The following EPB41L4A variants were observed in gnomAD, a reference collection of about 807,000 sequenced individuals.
EPB41L4A encodes erythrocyte membrane protein band 4.1 like 4A.
A neutral mutation model predicts 108.6 loss-of-function variants in EPB41L4A; 100 were observed. That is an observed-to-expected ratio of 0.92 (90% CI 0.78 to 1.09). The LOEUF is 1.09. EPB41L4A is among the 50% of genes least tolerant of loss of function. The pLI, the probability that EPB41L4A is intolerant of heterozygous loss-of-function variation, is 0.00. For missense variants in EPB41L4A, 1,030 were observed against 842.7 expected (o/e 1.22, Z -2.75); for synonymous variants, 319 against 289.0 (o/e 1.10, Z -1.05).
intron 12 of EPB41L4A, among the ~76,000 whole-genome samples, chr5:112,156,758 A>G (rs1232190388): frequency 6.6e-6 from 1 of 152,204 alleles, no homozygotes; most frequent in African/African-American, 2.4e-5. Context: ...TGCAATTCCA[A>G]TAAAAATCCC....
chr5:112,213,350 T>G (rs1019321841), intron 12 of EPB41L4A, among the ~76,000 whole-genome samples: 4 of 79,420 alleles, frequency 5.0e-5, no homozygotes, highest in South Asian at 8.3e-4. Flanking sequence ...AGTTTTTTTT[T>G]TTGTTTTTTT....
intron 20 of EPB41L4A, 83 bp downstream of exon 20, chr5:112,170,218 T>G: frequency 7.4e-7 from 1 of 1,357,530 alleles, no homozygotes; most frequent in Non-Finnish European, 1.0e-6. Context: ...TAAAGCACTG[T>G]CTGGAACACA....
chr5:112,257,138 T>G (rs1751155423), intron 9 of EPB41L4A: 1 of 152,210 alleles, frequency 6.6e-6, no homozygotes, highest in Admixed American at 6.5e-5. Flanking sequence ...TGAGTACAGT[T>G]AGGCCTCCAT....
At chr5:112,230,510 T>C (rs1748823212) in intron 12 of EPB41L4A, among the ~76,000 whole-genome samples, 1 of 152,242 alleles carries the variant, frequency 6.6e-6, no homozygotes, top group African/African-American at 2.4e-5. Flanking sequence ...CACATGTTTG[T>C]TGGCCATTTG....
At chr5:112,144,294 ATTTAT>A (rs952472325) in intron 13 of EPB41L4A, among the ~76,000 whole-genome samples, 27 of 152,216 alleles carry the variant, frequency 1.8e-4, no homozygotes, top group East Asian at 1.5e-3. Context: ...ATTTTATTTT[ATTTAT>A]TTTGAGACAG....
intron 18 of EPB41L4A, chr5:112,173,577 C>T (rs1436180854): frequency 6.7e-6 from 1 of 149,018 alleles, no homozygotes; most frequent in African/African-American, 2.5e-5. Flanking sequence ...TTTAAATATA[C>T]TATTATTGTA....
At chr5:112,288,356 G>A (rs982671030) in intron 2 of EPB41L4A, among the ~76,000 whole-genome samples, 2 of 152,114 alleles carry the variant, frequency 1.3e-5, no homozygotes, top group Non-Finnish European at 2.9e-5. Context: ...GGGCTGAAAG[G>A]GACAGAGATA....
intron 1 of EPB41L4A, among the ~76,000 whole-genome samples, chr5:112,350,413 T>C (rs1757965926): frequency 6.6e-6 from 1 of 152,218 alleles, no homozygotes; most frequent in Non-Finnish European, 1.5e-5. Flanking sequence ...ATGCATAAAA[T>C]GTGTAATGAT....
chr5:112,188,332 T>C (rs1275088376), intron 17 of EPB41L4A, among the ~76,000 whole-genome samples: 1 of 152,198 alleles, frequency 6.6e-6, no homozygotes, highest in African/African-American at 2.4e-5. Context: ...CCATTGTCTC[T>C]ACCATCAATA....
At chr5:112,292,051 A>G (rs994631508) in intron 2 of EPB41L4A, among the ~76,000 whole-genome samples, 3 of 152,200 alleles carry the variant, frequency 2.0e-5, no homozygotes, top group Non-Finnish European at 4.4e-5. Context: ...ACAAAACTCT[A>G]GCATATCATC....
chr5:112,226,091 T>C (rs754028599), intron 12 of EPB41L4A, among the ~76,000 whole-genome samples: 13 of 152,182 alleles, frequency 8.5e-5, no homozygotes, highest in Non-Finnish European at 1.2e-4. Context: ...TGGAATCAGA[T>C]TGACACAAGC....
intron 12 of EPB41L4A, among the ~76,000 whole-genome samples, chr5:112,219,468 G>A (rs907082521): frequency 2.0e-5 from 3 of 151,936 alleles, no homozygotes; most frequent in African/African-American, 7.3e-5. Context: ...CCCAGTCTCA[G>A]GTATTTCTTC....
chr5:112,181,549 C>T (rs1190994759), intron 18 of EPB41L4A, among the ~76,000 whole-genome samples: 1 of 152,106 alleles, frequency 6.6e-6, no homozygotes, highest in African/African-American at 2.4e-5. Context: ...CACACACATA[C>T]TTGTAGAGAA....
chr5:112,221,971 G>C (rs1378895612), intron 12 of EPB41L4A, among the ~76,000 whole-genome samples: 2 of 152,144 alleles, frequency 1.3e-5, no homozygotes, highest in African/African-American at 4.8e-5. Context: ...GAATAGAAAA[G>C]GATGCCAACA....
chr5:112,266,156 G>T, intron 5 of EPB41L4A, 77 bp downstream of exon 5: 1 of 987,128 alleles, frequency 1.0e-6, no homozygotes, highest in Non-Finnish European at 1.5e-6. Flanking sequence ...AAGAGTTTTA[G>T]TATGTAAACT....
chr5:112,418,920 C>A, intron 1 of EPB41L4A, 21 bp downstream of exon 1: 2 of 1,599,550 alleles, frequency 1.3e-6, no homozygotes, highest in Non-Finnish European at 1.7e-6. Context: ...ACCCCCGGAA[C>A]GCGCTCCGGG....
In EPB41L4A at chr5:112,299,225, G is replaced by A. The variant is rs542617642; in HGVS notation, c.204+8161C>T. On this transcript the variant is annotated intron_variant, in intron 2 of 22. Transcript: ENST00000261486. ...TGTTCTTGTTTCTCTAGTACCTTGA[G>A]GTGTGACCATAGATTGTCTAGTTGT... is the stretch of plus-strand genomic sequence containing the variant. 4.6e-5 allele frequency among the ~76,000 whole-genome samples: 7 copies of A among 152,224 alleles called. No individual in the cohort carries two copies. The East Asian group carries it at 1.4e-3, about 29-fold the overall frequency.
chr5:112,336,353 T>A (rs1295455474), intron 1 of EPB41L4A, among the ~76,000 whole-genome samples: 1 of 152,188 alleles, frequency 6.6e-6, no homozygotes, highest in African/African-American at 2.4e-5. Context: ...GGCGCTTTCC[T>A]CTGCATGTCA....
At chr5:112,174,162 A>C (rs916339118) in intron 18 of EPB41L4A, among the ~76,000 whole-genome samples, 2 of 152,228 alleles carry the variant, frequency 1.3e-5, no homozygotes, top group African/African-American at 4.8e-5. Flanking sequence ...TCTGATTGCT[A>C]GACCACCTGT....
Sources: allele counts gnomAD v4.1 joint callset (sites outside exome capture counted in the v4.1 genomes callset), GRCh38; gene constraint gnomAD v4.1.1; transcripts MANE v1.5; gene names NCBI Gene and HGNC (gene_info 2026-07-23, HGNC 2026-07-21).